The following MED13L variants were observed in gnomAD, a reference collection of about 807,000 sequenced individuals.
MED13L encodes the protein mediator complex subunit 13L.
MED13L carries 7 observed loss-of-function variants against 220.9 expected under a neutral mutation model. That is an observed-to-expected ratio of 0.03 (90% CI 0.02 to 0.06). MED13L has a LOEUF of 0.06. Ranked by LOEUF, MED13L falls within the 10% of genes least tolerant of loss-of-function variation. The pLI, the probability that MED13L is intolerant of heterozygous loss-of-function variation, is 1.00. For synonymous variants in MED13L, 1,011 were observed against 1,015.2 expected (o/e 1.00, Z 0.08); for missense variants, 1,965 against 2,760.5 (o/e 0.71, Z 6.46).
chr12:116,266,756 G>C (rs771564380), intron 1 of MED13L, among the ~76,000 whole-genome samples: 31 of 152,226 alleles, frequency 2.0e-4, no homozygotes, highest in Non-Finnish European at 3.8e-4. Context: ...TTAGAACACA[G>C]GAGACCACCT....
intron 2 of MED13L, among the ~76,000 whole-genome samples, chr12:116,176,853 A>C (rs1160295983): frequency 2.0e-5 from 3 of 148,372 alleles, no homozygotes; most frequent in Admixed American, 1.4e-4. Context: ...CCTGTGGTAC[A>C]TATGCAGAAT....
chr12:116,029,399 G>C (rs998008904), intron 4 of MED13L, among the ~76,000 whole-genome samples: 3 of 151,952 alleles, frequency 2.0e-5, no homozygotes, highest in African/African-American at 7.3e-5. Context: ...AAAGGCAATG[G>C]TGGCTCTATC....
chr12:116,173,583 T>C (rs1465690659), intron 2 of MED13L, among the ~76,000 whole-genome samples: 1 of 152,244 alleles, frequency 6.6e-6, no homozygotes, highest in East Asian at 1.9e-4. Flanking sequence ...ACTTGTCTCC[T>C]TTCCTTGCAA....
chr12:115,961,424 G>A (rs373720170), intron 30 of MED13L, 26 bp from the exon 31 acceptor site: 83 of 1,612,616 alleles, frequency 5.1e-5, no homozygotes, highest in Middle Eastern at 4.0e-4. Flanking sequence ...CACAGAGCAG[G>A]GGCGTGAGCC....
intron 1 of MED13L, among the ~76,000 whole-genome samples, chr12:116,250,357 ATTT>A (rs923049117): frequency 2.7e-5 from 4 of 148,692 alleles, no homozygotes; most frequent in South Asian, 4.2e-4. Flanking sequence ...AACTAGAATA[ATTT>A]TTTTTTTTAT....
At chr12:116,046,060 C>T (rs1222456207) in intron 4 of MED13L, among the ~76,000 whole-genome samples, 1 of 151,930 alleles carries the variant, frequency 6.6e-6, no homozygotes, top group African/African-American at 2.4e-5. Context: ...ATTTATAAAG[C>T]CAATATTAAA....
chr12:116,154,636 C>G (rs990433792), intron 2 of MED13L, among the ~76,000 whole-genome samples: 3 of 152,012 alleles, frequency 2.0e-5, no homozygotes, highest in Non-Finnish European at 4.4e-5. Flanking sequence ...GTAGTGCTTA[C>G]GAGACACATT....
intron 4 of MED13L, among the ~76,000 whole-genome samples, chr12:116,058,510 T>TA (rs1014419637): frequency 6.6e-6 from 1 of 152,158 alleles, no homozygotes; most frequent in African/African-American, 2.4e-5. Flanking sequence ...AAACTGGCAA[T>TA]AAAACCTATC....
chr12:116,210,581 A>T (rs1593169062), intron 2 of MED13L, among the ~76,000 whole-genome samples: 1 of 132,114 alleles, frequency 7.6e-6, no homozygotes, highest in Admixed American at 7.4e-5. Flanking sequence ...ATATATATAT[A>T]TATTTCTATA....
chr12:116,035,779 C>T (rs75988403), intron 4 of MED13L, among the ~76,000 whole-genome samples: 7,625 of 151,808 alleles, frequency 0.05, 288 homozygotes, highest in Non-Finnish European at 0.08. Context: ...TTGGTAGAGA[C>T]GGGGTTTTGC....
intron 28 of MED13L, among the ~76,000 whole-genome samples, chr12:115,967,196 A>AAAAAC (rs1876238549): frequency 6.7e-6 from 1 of 150,236 alleles, no homozygotes; most frequent in African/African-American, 2.5e-5. Flanking sequence ...AAAAAAAAAA[A>AAAAAC]CCTTCTGTTT....
At chr12:116,146,696 A>T (rs1265799827) in intron 2 of MED13L, among the ~76,000 whole-genome samples, 1 of 151,772 alleles carries the variant, frequency 6.6e-6, no homozygotes, top group Non-Finnish European at 1.5e-5. Flanking sequence ...GGAAACCCCC[A>T]TCTCTACTAA....
intron 9 of MED13L, among the ~76,000 whole-genome samples, 166 bp downstream of exon 9, chr12:116,012,631 T>C (rs1879482196): frequency 6.6e-6 from 1 of 152,216 alleles, no homozygotes; most frequent in African/African-American, 2.4e-5. Flanking sequence ...CTCTGAGTCC[T>C]GACAATAAAA....
At chr12:116,168,255 G>C (rs570590731) in intron 2 of MED13L, among the ~76,000 whole-genome samples, 4 of 151,070 alleles carry the variant, frequency 2.6e-5, no homozygotes, top group African/African-American at 7.3e-5. Flanking sequence ...AAACAGAGAA[G>C]AGCATTAAAT....
At chr12:116,159,496 C>T (rs763823072) in intron 2 of MED13L, among the ~76,000 whole-genome samples, 24 of 152,088 alleles carry the variant, frequency 1.6e-4, no homozygotes, top group Non-Finnish European at 3.1e-4. Flanking sequence ...GAAAGGTGAG[C>T]AGGTAATTAA....
intron 9 of MED13L, among the ~76,000 whole-genome samples, chr12:116,012,010 T>G (rs190013423): frequency 1.1e-3 from 173 of 152,318 alleles, no homozygotes; most frequent in Admixed American, 3.5e-3. Context: ...CTAAATATGC[T>G]TATCTCACCT....
chr12:116,029,495 C>T (rs1018249331), intron 4 of MED13L, among the ~76,000 whole-genome samples: 1 of 151,880 alleles, frequency 6.6e-6, no homozygotes, highest in Non-Finnish European at 1.5e-5. Context: ...AAAGTAAACC[C>T]ATCTACGTAT....
At chr12:116,179,199 A>G (rs1207447432) in intron 2 of MED13L, among the ~76,000 whole-genome samples, 1 of 132,512 alleles carries the variant, frequency 7.5e-6, no homozygotes, top group African/African-American at 2.9e-5. Flanking sequence ...AAATTTGACG[A>G]TTTACGTGTG....
At chr12:116,064,379 C>G (rs1869751077) in intron 4 of MED13L, among the ~76,000 whole-genome samples, 1 of 152,066 alleles carries the variant, frequency 6.6e-6, no homozygotes, top group Non-Finnish European at 1.5e-5. Flanking sequence ...TACAGACGTA[C>G]TTTTTAAAAA....
Sources: gnomAD v4.1 joint callset for allele counts (sites outside exome capture counted in the v4.1 genomes callset) on GRCh38, gnomAD v4.1.1 for gene constraint, MANE v1.5 for transcripts, NCBI Gene and HGNC (gene_info 2026-07-23, HGNC 2026-07-21) for gene names.